Variants in CRTC3 observed in about 807,000 individuals in gnomAD.
The protein encoded by CRTC3 is CREB regulated transcription coactivator 3.
Under a neutral mutation model 74.5 loss-of-function variants are expected in CRTC3, and 26 were observed. The ratio of observed to expected loss-of-function variants is 0.35; its 90% CI spans 0.26 to 0.48. The LOEUF (loss-of-function observed/expected upper bound fraction) is 0.48. Ranked by LOEUF, CRTC3 falls within the 20% of genes least tolerant of loss-of-function variation. The pLI is 0.99. For synonymous variants in CRTC3, 377 were observed against 325.8 expected (o/e 1.16, Z -1.69); for missense variants, 760 against 787.3 (o/e 0.97, Z 0.41).
In CRTC3 at chr15:90,587,722, T is replaced by G. The variant is rs544948384; in HGVS notation, c.232-5914T>G. Among the ~76,000 whole-genome samples the G allele has an allele frequency of 5.4e-4, 82 of 152,246 alleles. 3 individuals carry two copies. In the South Asian group the frequency reaches 0.016, roughly 30 times the overall value. On this transcript the variant is annotated intron_variant, in intron 2 of 14. Transcript: ENST00000268184. ...TCTGCCTCCCAGGCTCAAGTGATCCTCCTGCCTCAGCCTCCCAAGTAGCTG... is the reference window on the plus strand; with the variant it reads ...TCTGCCTCCCAGGCTCAAGTGATCCGCCTGCCTCAGCCTCCCAAGTAGCTG...
At chr15:90,625,728 A>G (rs748248111) in intron 9 of CRTC3, 48 bp from the exon 10 acceptor site, 6 of 1,546,198 alleles carry the variant, frequency 3.9e-6, no homozygotes, top group African/African-American at 1.4e-5. Context: ...TGGTTTCCCA[A>G]CAGCCAAATA....
chr15:90,557,175 G>C (rs926306138), intron 2 of CRTC3, among the ~76,000 whole-genome samples: 1 of 152,088 alleles, frequency 6.6e-6, no homozygotes, highest in African/African-American at 2.4e-5. Context: ...CTGGGAGTCT[G>C]AGAACAAACT....
At chr15:90,638,928 T>C in intron 13 of CRTC3, 113 bp downstream of exon 13, 5 of 914,232 alleles carry the variant, frequency 5.5e-6, no homozygotes, top group Middle Eastern at 3.2e-4. Context: ...TTCCTGGTTC[T>C]GGTTGTGTTC....
At chr15:90,626,854 A>T (rs1159265647) in intron 10 of CRTC3, among the ~76,000 whole-genome samples, 10 of 152,172 alleles carry the variant, frequency 6.6e-5, no homozygotes, top group Admixed American at 6.5e-4. Context: ...ACCTCAAGTG[A>T]TCCACCCGCC....
chr15:90,613,673 A>G (rs568430995), intron 6 of CRTC3: 5 of 152,208 alleles, frequency 3.3e-5, no homozygotes, highest in Non-Finnish European at 5.9e-5. Flanking sequence ...AAATGTAAGT[A>G]AGCTATACTT....
chr15:90,540,239 G>A (rs1207189819), intron 2 of CRTC3, 102 bp downstream of exon 2: 9 of 743,936 alleles, frequency 1.2e-5, no homozygotes, highest in Non-Finnish European at 2.0e-5. Context: ...CTGGGCCTAG[G>A]TACAGTTCAG....
chr15:90,640,224 T>C (rs1469567863), intron 13 of CRTC3, among the ~76,000 whole-genome samples: 1 of 152,194 alleles, frequency 6.6e-6, no homozygotes. Context: ...ACACTTCTTT[T>C]GAGACTTTTT....
chr15:90,617,887 A>G lies in CRTC3; in HGVS notation c.618A>G (p.Ala206=). 1 of 1,609,518 alleles carries G rather than the reference A, an allele frequency of 6.2e-7. No individual in the cohort carries two copies. Among genetic ancestry groups the G allele is most frequent in the African/African-American group, 1.3e-5 (1 of 74,800 alleles). ...DGENNGHGEV[A]SFPGPLKEEN... ...CTGCTTTTTTTTTCCCTTTAGTAGCATCTTTCCCTGGCCCATTGAAAGAAG... is the reference window on the plus strand; with the variant it reads ...CTGCTTTTTTTTTCCCTTTAGTAGCGTCTTTCCCTGGCCCATTGAAAGAAG... Residue 206 remains alanine (A), a synonymous_variant, in exon 8 of 15, where the codon GCA becomes GCG. Coordinates refer to ENST00000268184, the MANE Select transcript of CRTC3 (RefSeq NM_022769.5).
At chr15:90,598,651 T>A in intron 3 of CRTC3, 1 of 626,668 alleles carries the variant, frequency 1.6e-6, no homozygotes, top group South Asian at 1.8e-5. Flanking sequence ...AAGGGGACAG[T>A]GATTGGTTGG....
In CRTC3 at chr15:90,632,362, G is replaced by C. The variant is rs148876373; in HGVS notation, c.1266+2830G>C. 2.7e-3 allele frequency among the ~76,000 whole-genome samples: 407 copies of C among 152,202 alleles called. 2 individuals carry two copies. Among genetic ancestry groups the C allele is most frequent in the African/African-American group, 9.6e-3 (399 of 41,522 alleles). On this transcript the variant is annotated intron_variant, in intron 11 of 14. Coordinates refer to ENST00000268184, the MANE Select transcript of CRTC3 (RefSeq NM_022769.5). ...TGTAATCCCAGCTACTCAGGAGGCA[G>C]AGACTGGAGGATTGCTTAAGGCCCG...
At chr15:90,555,549 G>T (rs1252631214) in intron 2 of CRTC3, among the ~76,000 whole-genome samples, 1 of 151,692 alleles carries the variant, frequency 6.6e-6, no homozygotes, top group Admixed American at 6.6e-5. Context: ...ATGGAGTCTT[G>T]CTCTGTCACC....
rs1969512018 is a variant in CRTC3, at chr15:90,643,193, C to T, written c.*1053C>T. 4.3e-6 allele frequency: 1 copy of T among 232,662 alleles called. No individual in the cohort carries two copies. The highest frequency in any genetic ancestry group is 6.1e-5 in the East Asian group (1 of 16,506). The allele number at this position is 232,662 out of a possible 1,614,324, so 14.4% of individuals were successfully genotyped here. A position where few individuals can be genotyped will look rare whatever the true frequency, so the allele number is the denominator to read the frequency against. ...GCACAGTCGTGTGCTGGAGTGAGTG[C>T]TGCAGAACCGTGCGTGCAGCGCATG... On this transcript the variant is annotated 3_prime_UTR_variant, in exon 15 of 15. Transcript: ENST00000268184.
chr15:90,635,644 C>G (rs1203248993), intron 11 of CRTC3, among the ~76,000 whole-genome samples: 1 of 151,896 alleles, frequency 6.6e-6, no homozygotes, highest in Admixed American at 6.6e-5. Context: ...GACTCTGTCT[C>G]CAGAAAAACT....
intron 1 of CRTC3, among the ~76,000 whole-genome samples, chr15:90,532,113 G>A (rs1596063571): frequency 6.6e-6 from 1 of 152,068 alleles, no homozygotes; most frequent in South Asian, 2.1e-4. Flanking sequence ...CCTTCACCTG[G>A]TACAGGGAAT....
chr15:90,628,203 C>G (rs367813827), intron 10 of CRTC3, among the ~76,000 whole-genome samples: 1 of 151,360 alleles, frequency 6.6e-6, no homozygotes, highest in Non-Finnish European at 1.5e-5. Context: ...GGTGACAGAG[C>G]GAGACTCTGT....
Position 90,631,723 on chromosome 15 carries a change from T to A in CRTC3, c.1266+2191T>A, listed in dbSNP as rs368342347. Reference sequence around the variant, plus strand: ...CAGCCTGGGTGACAGAGTTACTCTGTCTCAAAAAAAAAAAAAAATTAGAAT... The same window carrying A: ...CAGCCTGGGTGACAGAGTTACTCTGACTCAAAAAAAAAAAAAAATTAGAAT... On this transcript the variant is annotated intron_variant, in intron 11 of 14. Transcript: ENST00000268184. Among the ~76,000 whole-genome samples the A allele has an allele frequency of 7.8e-5, 10 of 128,634 alleles. No individual in the cohort carries two copies. The East Asian group carries it at 2.0e-3, about 26-fold the overall frequency. The allele number at this position is 128,634 out of a possible 152,430, so 84.4% of individuals were successfully genotyped here. A position where few individuals can be genotyped will look rare whatever the true frequency, so the allele number is the denominator to read the frequency against.
chr15:90,626,611 C>CTTTTTTTTTTTTTT lies in CRTC3; in HGVS notation c.967+623_967+636dup, dbSNP rs922457681. ...GACTACATTTGTTTGAAGCCTGACA[C>CTTTTTTTTTTTTTT]TTTTTTTTTTTTTTTTTTGAGATGG... On this transcript the variant is annotated intron_variant, in intron 10 of 14. Transcript: ENST00000268184. 1.2e-3 allele frequency among the ~76,000 whole-genome samples: 159 copies of CTTTTTTTTTTTTTT among 133,386 alleles called. 3 individuals are homozygous for CTTTTTTTTTTTTTT. Among genetic ancestry groups the CTTTTTTTTTTTTTT allele is most frequent in the African/African-American group, 4.4e-3 (151 of 34,138 alleles). The allele number at this position is 133,386 out of a possible 152,430, so 87.5% of individuals were successfully genotyped here. A position where few individuals can be genotyped will look rare whatever the true frequency, so the allele number is the denominator to read the frequency against.
Position 90,566,860 on chromosome 15 carries a change from G to A in CRTC3, c.231+26723G>A, listed in dbSNP as rs1027399559. 5.3e-5 allele frequency among the ~76,000 whole-genome samples: 8 copies of A among 151,714 alleles called. No homozygotes were observed. The South Asian group carries it at 6.2e-4, about 12-fold the overall frequency. On this transcript the variant is annotated intron_variant, in intron 2 of 14. Transcript: ENST00000268184. ...CGAGTAGCTGGGATTATAGGTGCCC[G>A]CCACCACACCTGGCTAATTTTTGTA... is the stretch of plus-strand genomic sequence containing the variant.
intron 2 of CRTC3, among the ~76,000 whole-genome samples, chr15:90,551,948 A>AAAATCAGATCTCCGCTTGGTAGAATTTCT: frequency 1.0e-4 from 1 of 9,576 alleles, no homozygotes; most frequent in African/African-American, 3.6e-4. Flanking sequence ...ACACACGCAC[A>AAAATCAGATCTCCGCTTGGTAGAATTTCT]CACACACACA....
Sources: gnomAD v4.1 joint callset for allele counts (sites outside exome capture counted in the v4.1 genomes callset) on GRCh38, gnomAD v4.1.1 for gene constraint, MANE v1.5 for transcripts, NCBI Gene and HGNC (gene_info 2026-07-23, HGNC 2026-07-21) for gene names.